Variants in ASIC2 observed in about 807,000 individuals in gnomAD.
ASIC2 encodes the protein acid-sensing ion channel 2.
Under a neutral mutation model 57.3 loss-of-function variants are expected in ASIC2, and 25 were observed. That is an observed-to-expected ratio of 0.44 (90% CI 0.32 to 0.61). The LOEUF is 0.61. ASIC2 is among the 20% of genes least tolerant of loss of function. The probability of loss-of-function intolerance (pLI) is 0.06; values close to 1 mark genes in which losing one functional copy is unlikely to be tolerated. For synonymous variants in ASIC2, 319 were observed against 307.5 expected, an observed-to-expected ratio of 1.04 and a Z score of -0.39; for missense variants, 641 against 738.1, an observed-to-expected ratio of 0.87 and a Z score of 1.52.
chr17:33,916,014 C>T (rs759900683), intron 1 of ASIC2, among the ~76,000 whole-genome samples: 1 of 152,132 alleles, frequency 6.6e-6, no homozygotes, highest in Non-Finnish European at 1.5e-5. Context: ...GTGTTTCTTC[C>T]TTCTTCCAGG....
chr17:33,101,437 T>C (rs767110438), intron 2 of ASIC2, among the ~76,000 whole-genome samples: 26 of 152,342 alleles, frequency 1.7e-4, no homozygotes, highest in Non-Finnish European at 3.4e-4. Context: ...CACCTCTTCC[T>C]ACCCCCGAGT....
chr17:33,786,897 A>G (rs1419912676), intron 1 of ASIC2, among the ~76,000 whole-genome samples: 1 of 152,236 alleles, frequency 6.6e-6, no homozygotes, highest in African/African-American at 2.4e-5. Context: ...GCAGTACATC[A>G]TCAAAGGTGG....
intron 1 of ASIC2, among the ~76,000 whole-genome samples, chr17:34,026,122 T>C (rs1246305753): frequency 6.6e-6 from 1 of 152,228 alleles, no homozygotes; most frequent in Non-Finnish European, 1.5e-5. Context: ...GCTACGGTTG[T>C]GCAATTATTG....
At chr17:33,016,296 T>G (rs2091805473) in intron 8 of ASIC2, among the ~76,000 whole-genome samples, 1 of 152,212 alleles carries the variant, frequency 6.6e-6, no homozygotes, top group Non-Finnish European at 1.5e-5. Context: ...GGTGAACTGC[T>G]GTCTTTGTGG....
intron 1 of ASIC2, among the ~76,000 whole-genome samples, chr17:33,298,889 G>A (rs2142191960): frequency 6.6e-6 from 1 of 152,290 alleles, no homozygotes; most frequent in East Asian, 1.9e-4. Context: ...CAAGGGATGT[G>A]AAGGACCTCT....
chr17:33,931,102 C>A (rs1207065807), intron 1 of ASIC2: 2 of 151,974 alleles, frequency 1.3e-5, no homozygotes, highest in Admixed American at 6.6e-5. Flanking sequence ...CAGGATGAGC[C>A]GCAGAAAAGA....
At chr17:33,194,463 T>C (rs919018538) in intron 1 of ASIC2, among the ~76,000 whole-genome samples, 1 of 152,226 alleles carries the variant, frequency 6.6e-6, no homozygotes, top group Admixed American at 6.5e-5. Flanking sequence ...GCCGATATGA[T>C]GATGATGATG....
At chr17:34,022,597 T>C (rs1214441919) in intron 1 of ASIC2, among the ~76,000 whole-genome samples, 33 of 138,926 alleles carry the variant, frequency 2.4e-4, no homozygotes, top group African/African-American at 2.7e-5. Flanking sequence ...AATCTAGAGC[T>C]CCCACAGTCT....
At chr17:33,152,065 C>T (rs555074943) in intron 1 of ASIC2, among the ~76,000 whole-genome samples, 1 of 152,176 alleles carries the variant, frequency 6.6e-6, no homozygotes, top group Non-Finnish European at 1.5e-5. Context: ...ATGTCATCTC[C>T]TCTGGAGACT....
chr17:33,647,713 A>G (rs1906788956), intron 1 of ASIC2, among the ~76,000 whole-genome samples: 1 of 152,248 alleles, frequency 6.6e-6, no homozygotes, highest in Non-Finnish European at 1.5e-5. Context: ...AGAATGACAG[A>G]CAGAGGATGG....
intron 1 of ASIC2, chr17:33,572,178 G>C (rs1192374265): frequency 6.6e-6 from 1 of 152,198 alleles, no homozygotes; most frequent in Non-Finnish European, 1.5e-5. Flanking sequence ...TCTATTGAAT[G>C]TAACTTCCTC....
intron 1 of ASIC2, among the ~76,000 whole-genome samples, chr17:33,123,587 G>A (rs986002489): frequency 1.3e-5 from 2 of 152,140 alleles, no homozygotes; most frequent in African/African-American, 4.8e-5. Flanking sequence ...TGCCTGCTTG[G>A]TTTTCCTGTG....
At chr17:33,738,692 G>A (rs1263896750) in intron 1 of ASIC2, among the ~76,000 whole-genome samples, 1 of 152,074 alleles carries the variant, frequency 6.6e-6, no homozygotes, top group African/African-American at 2.4e-5. Flanking sequence ...TTTCTGACCT[G>A]CTCCTAGGGT....
At chr17:33,032,558 C>T (rs2091888841) in intron 3 of ASIC2, among the ~76,000 whole-genome samples, 2 of 146,518 alleles carry the variant, frequency 1.4e-5, no homozygotes, top group East Asian at 2.0e-4. Flanking sequence ...AAGCAATTCT[C>T]CAGCCTCAGC....
chr17:34,014,617 G>A (rs534100751), intron 1 of ASIC2, among the ~76,000 whole-genome samples: 2 of 152,324 alleles, frequency 1.3e-5, no homozygotes, highest in East Asian at 3.9e-4. Flanking sequence ...GTGGCCACAG[G>A]CAGGCAGAAA....
At chr17:33,754,727 C>G (rs926900142) in intron 1 of ASIC2, among the ~76,000 whole-genome samples, 4 of 151,848 alleles carry the variant, frequency 2.6e-5, no homozygotes, top group Admixed American at 6.6e-5. Context: ...GAGGCCGAGG[C>G]GGGCAGATCA....
chr17:33,684,103 G>T (rs1405585201), intron 1 of ASIC2, among the ~76,000 whole-genome samples: 1 of 152,164 alleles, frequency 6.6e-6, no homozygotes, highest in African/African-American at 2.4e-5. Flanking sequence ...GTACACTTCT[G>T]CTAATAATTC....
At chr17:34,097,156 C>T (rs1910577049) in intron 1 of ASIC2, among the ~76,000 whole-genome samples, 1 of 152,174 alleles carries the variant, frequency 6.6e-6, no homozygotes. Flanking sequence ...TCCATTAGCA[C>T]ATATTGAGGC....
intron 1 of ASIC2, among the ~76,000 whole-genome samples, chr17:33,407,798 C>G (rs1567851124): frequency 6.6e-6 from 1 of 152,172 alleles, no homozygotes; most frequent in South Asian, 2.1e-4. Flanking sequence ...TTCTGGGAAC[C>G]AGGTTGGGAT....
Sources: allele counts gnomAD v4.1 joint callset (sites outside exome capture counted in the v4.1 genomes callset), GRCh38; gene constraint gnomAD v4.1.1; transcripts MANE v1.5; gene names NCBI Gene and HGNC (gene_info 2026-07-23, HGNC 2026-07-21).